The following ANO6 variants were observed in gnomAD, a reference collection of about 807,000 sequenced individuals.
ANO6 encodes anoctamin-6.
In ANO6, 106 loss-of-function variants were observed where a neutral mutation model predicts 117.5. The observed-to-expected ratio is 0.90, with a 90% CI of 0.77 to 1.06. The LOEUF (loss-of-function observed/expected upper bound fraction) is 1.06. ANO6 is among the 50% of genes least tolerant of loss of function. The pLI is 0.00. For synonymous variants in ANO6, 367 were observed against 385.1 expected (o/e 0.95, Z 0.55); for missense variants, 955 against 1,121.1 (o/e 0.85, Z 2.12).
At position 45,429,251 on chromosome 12, in the gene ANO6, G is replaced by A; in HGVS notation, c.2673G>A (p.Gly891=). 11 of 1,613,828 alleles carry A rather than the reference G, an allele frequency of 6.8e-6. No individual in the cohort carries two copies. The highest frequency in any genetic ancestry group is 1.1e-5 in the South Asian group (1 of 91,078). Residue 891 remains glycine, a synonymous_variant, in exon 20 of 20, where the codon GGG becomes GGA. Coordinates refer to ENST00000320560, the MANE Select transcript of ANO6 (RefSeq NM_001025356.3). ...NHLKDMTKNM[G]VIAERMIEAV... is the part of the protein sequence containing the mutation. ...TCAAAGATATGACGAAAAATATGGGGGTGATAGCTGAGCGGATGATAGAAG... is the reference window on the plus strand; with the variant it reads ...TCAAAGATATGACGAAAAATATGGGAGTGATAGCTGAGCGGATGATAGAAG...
At chr12:45,237,698 G>A (rs182773477) in intron 1 of ANO6, among the ~76,000 whole-genome samples, 7 of 152,320 alleles carry the variant, frequency 4.6e-5, no homozygotes, top group Admixed American at 3.3e-4. Context: ...GATTGTCTTG[G>A]CAATGTGGGC....
chr12:45,370,890 C>T (rs1291928803), intron 9 of ANO6, among the ~76,000 whole-genome samples: 1 of 152,186 alleles, frequency 6.6e-6, no homozygotes, highest in Admixed American at 6.5e-5. Flanking sequence ...CTCCGGTCTA[C>T]AGCTCCCAGC....
At chr12:45,276,619 A>G (rs750343558) in intron 1 of ANO6, among the ~76,000 whole-genome samples, 27 of 152,072 alleles carry the variant, frequency 1.8e-4, no homozygotes, top group Admixed American at 7.9e-4. Flanking sequence ...AATCTCTGCT[A>G]TATCAACTTG....
At chr12:45,412,681 C>T (rs947616513) in intron 16 of ANO6, among the ~76,000 whole-genome samples, 4 of 152,182 alleles carry the variant, frequency 2.6e-5, no homozygotes, top group African/African-American at 9.7e-5. Context: ...GATTTGCAGT[C>T]CTCCAGCTCT....
At chr12:45,307,536 A>G (rs569015399) in intron 2 of ANO6, among the ~76,000 whole-genome samples, 31 of 152,246 alleles carry the variant, frequency 2.0e-4, no homozygotes, top group South Asian at 1.5e-3. Context: ...AAAGTTTGAG[A>G]CATTCAGGTG....
At chr12:45,418,184 C>T (rs1489176066) in intron 17 of ANO6, among the ~76,000 whole-genome samples, 1 of 152,180 alleles carries the variant, frequency 6.6e-6, no homozygotes, top group Admixed American at 6.5e-5. Context: ...CCAAAAGCAA[C>T]CACTGTCTGG....
chr12:45,395,554 G>T (rs1593061496), intron 12 of ANO6, among the ~76,000 whole-genome samples: 1 of 152,142 alleles, frequency 6.6e-6, no homozygotes, highest in African/African-American at 2.4e-5. Context: ...AGAATTTTAG[G>T]CCAGTATCCC....
Position 45,429,247 on chromosome 12 carries a change from T to G in ANO6, c.2669T>G (p.Met890Arg). 6.2e-7 allele frequency: 1 copy of G among 1,613,760 alleles called. No homozygotes were observed. Among genetic ancestry groups the G allele is most frequent in the Non-Finnish European group, 8.5e-7 (1 of 1,179,902 alleles). Residue 890 changes from methionine (M) to arginine (R), a missense_variant, in exon 20 of 20, where the codon ATG becomes AGG. Transcript: ENST00000320560. ...ENHLKDMTKN[M>R]GVIAERMIEA... ...CACCTCAAAGATATGACGAAAAATATGGGGGTGATAGCTGAGCGGATGATA... is the reference window on the plus strand; with the variant it reads ...CACCTCAAAGATATGACGAAAAATAGGGGGGTGATAGCTGAGCGGATGATA...
At chr12:45,337,619 T>C (rs1209282446) in intron 3 of ANO6, among the ~76,000 whole-genome samples, 1 of 152,080 alleles carries the variant, frequency 6.6e-6, no homozygotes, top group African/African-American at 2.4e-5. Flanking sequence ...AAGTAGATAA[T>C]AGAATAGTGA....
chr12:45,339,157 AT>A (rs1479505186), intron 3 of ANO6, among the ~76,000 whole-genome samples: 1 of 152,106 alleles, frequency 6.6e-6, no homozygotes, highest in Non-Finnish European at 1.5e-5. Context: ...GTACATGCAT[AT>A]ATGCACAGAA....
At chr12:45,313,106 T>C (rs1265332587) in intron 2 of ANO6, 1 of 152,098 alleles carries the variant, frequency 6.6e-6, no homozygotes, top group African/African-American at 2.4e-5. Context: ...CTGTGAGATA[T>C]GAAGGAAGAA....
intron 15 of ANO6, among the ~76,000 whole-genome samples, chr12:45,405,671 A>T (rs1942914174): frequency 6.6e-6 from 1 of 152,230 alleles, no homozygotes; most frequent in Non-Finnish European, 1.5e-5. Context: ...GCACTTTGGG[A>T]GGCCAAGGTG....
intron 1 of ANO6, among the ~76,000 whole-genome samples, chr12:45,277,625 T>A (rs1324956472): frequency 6.6e-6 from 1 of 152,214 alleles, no homozygotes; most frequent in Non-Finnish European, 1.5e-5. Flanking sequence ...TAAAGGCAGG[T>A]AATTTTTTTT....
intron 1 of ANO6, among the ~76,000 whole-genome samples, chr12:45,297,508 G>T (rs1939334328): frequency 6.6e-6 from 1 of 152,148 alleles, no homozygotes; most frequent in Admixed American, 6.5e-5. Flanking sequence ...TGGGACAATG[G>T]ATGTTAGTTA....
chr12:45,370,453 A>C (rs1180667911), intron 9 of ANO6, among the ~76,000 whole-genome samples: 1 of 152,164 alleles, frequency 6.6e-6, no homozygotes. Flanking sequence ...TTCCATTGAC[A>C]TTTTCTCAAA....
At chr12:45,273,365 A>G (rs1938449675) in intron 1 of ANO6, among the ~76,000 whole-genome samples, 1 of 152,318 alleles carries the variant, frequency 6.6e-6, no homozygotes, top group South Asian at 2.1e-4. Flanking sequence ...ATTTTGATCA[A>G]AAGTCATATA....
intron 16 of ANO6, among the ~76,000 whole-genome samples, chr12:45,414,776 C>T (rs2137676508): frequency 6.6e-6 from 1 of 152,158 alleles, no homozygotes; most frequent in Non-Finnish European, 1.5e-5. Context: ...TCTTTTCTTT[C>T]TTTGAAAGAC....
intron 1 of ANO6, among the ~76,000 whole-genome samples, chr12:45,298,131 A>G (rs1375690593): frequency 1.3e-5 from 2 of 152,154 alleles, no homozygotes; most frequent in African/African-American, 4.8e-5. Flanking sequence ...TAGAATAACT[A>G]TTTTTTGTTT....
At chr12:45,435,331 AAGAG>A (rs1459859289), downstream of ANO6, among the ~76,000 whole-genome samples, 1 of 152,240 alleles carries the variant, frequency 6.6e-6, no homozygotes, top group African/African-American at 2.4e-5. Context: ...CTAATAGTAA[AAGAG>A]AGAGCACACC....
Sources: gnomAD v4.1 joint callset for allele counts (sites outside exome capture counted in the v4.1 genomes callset) on GRCh38, gnomAD v4.1.1 for gene constraint, MANE v1.5 for transcripts, NCBI Gene and HGNC (gene_info 2026-07-23, HGNC 2026-07-21) for gene names.